The following KLHL13 variants were observed in gnomAD, a reference collection of about 807,000 sequenced individuals.
KLHL13 encodes the protein kelch-like protein 13.
In KLHL13, 10 loss-of-function variants were observed where a neutral mutation model predicts 37.1. The observed-to-expected ratio is 0.27, with a 90% CI of 0.17 to 0.46. KLHL13 has a LOEUF of 0.46. Among genes scored for constraint, KLHL13 ranks in the 20% least tolerant of loss-of-function variants. KLHL13 has a pLI of 1.00. For synonymous variants in KLHL13, 163 were observed against 181.2 expected (o/e 0.90, Z 0.81); for missense variants, 360 against 509.3 (o/e 0.71, Z 2.82).
chrX:118,054,058 T>C (rs1172490154), intron 1 of KLHL13, among the ~76,000 whole-genome samples: 2 of 111,147 alleles, frequency 1.8e-5, no homozygotes, highest in Non-Finnish European at 3.8e-5. Context: ...AATCTATAGA[T>C]AAATTGAGTG....
At chrX:117,956,779 T>C (rs1264773746) in intron 1 of KLHL13, among the ~76,000 whole-genome samples, 1 of 111,583 alleles carries the variant, frequency 9.0e-6, no homozygotes, top group Admixed American at 9.6e-5. Context: ...AAAGTTTCCC[T>C]AGCTAGTCGG....
At chrX:118,057,530 G>A (rs1405376906) in intron 1 of KLHL13, among the ~76,000 whole-genome samples, 2 of 112,324 alleles carry the variant, frequency 1.8e-5, no homozygotes, top group African/African-American at 6.5e-5. Context: ...TATCAAAAAT[G>A]TGAAAAATCG....
At chrX:117,932,806 C>T (rs1932525414) in intron 2 of KLHL13, among the ~76,000 whole-genome samples, 1 of 111,577 alleles carries the variant, frequency 9.0e-6, no homozygotes, top group South Asian at 3.7e-4. Flanking sequence ...TTTATCATTG[C>T]TGTACTAATT....
intron 1 of KLHL13, among the ~76,000 whole-genome samples, chrX:118,026,713 A>G (rs2054278064): frequency 8.9e-6 from 1 of 111,750 alleles, no homozygotes; most frequent in Non-Finnish European, 1.9e-5. Flanking sequence ...TGCCCTAATT[A>G]AAGAGGACCA....
chrX:118,033,939 T>TC (rs1284233194), intron 1 of KLHL13, among the ~76,000 whole-genome samples: 1 of 97,978 alleles, frequency 1.0e-5, no homozygotes, highest in Non-Finnish European at 2.0e-5. Flanking sequence ...GGGGTTGCAA[T>TC]CCTAGTCTCT....
At chrX:117,978,614 G>C (rs1442898554), upstream of KLHL13, among the ~76,000 whole-genome samples, 3 of 110,902 alleles carry the variant, frequency 2.7e-5, no homozygotes, top group African/African-American at 9.8e-5. Context: ...AAAATACAGA[G>C]AGACTGAGCA....
intron 1 of KLHL13, among the ~76,000 whole-genome samples, chrX:118,015,021 A>G (rs2054112306): frequency 8.9e-6 from 1 of 112,211 alleles, no homozygotes. Context: ...ACTTAACCAT[A>G]TTACAAACAT....
At chrX:118,069,138 C>CAT (rs1555998518) in intron 1 of KLHL13, among the ~76,000 whole-genome samples, 1 of 109,556 alleles carries the variant, frequency 9.1e-6, no homozygotes, top group African/African-American at 3.3e-5. Flanking sequence ...CACACACACA[C>CAT]ACACACACAC....
intron 1 of KLHL13, among the ~76,000 whole-genome samples, chrX:117,986,850 G>A (rs996409657): frequency 2.7e-5 from 3 of 111,867 alleles, no homozygotes; most frequent in South Asian, 3.7e-4. Context: ...ACTCAATGTT[G>A]AAGAAATCTT....
chrX:118,080,490 C>T (rs2054979037), intron 1 of KLHL13, among the ~76,000 whole-genome samples: 1 of 110,653 alleles, frequency 9.0e-6, no homozygotes, highest in African/African-American at 3.3e-5. Context: ...GATATACAAG[C>T]AGCCAACAAG....
At chrX:118,008,453 T>C (rs1015209285) in intron 1 of KLHL13, among the ~76,000 whole-genome samples, 4 of 111,349 alleles carry the variant, frequency 3.6e-5, no homozygotes, top group Non-Finnish European at 5.7e-5. Context: ...ACTACTAGTA[T>C]TGGAACTTTA....
At chrX:117,922,639 A>C (rs761232528) in intron 2 of KLHL13, among the ~76,000 whole-genome samples, 16 of 111,709 alleles carry the variant, frequency 1.4e-4, no homozygotes, top group African/African-American at 5.2e-4. Flanking sequence ...CGTTTGTGGT[A>C]GTTTGTGGTA....
At chrX:117,950,313 A>G (rs1933522154) in intron 1 of KLHL13, among the ~76,000 whole-genome samples, 1 of 111,185 alleles carries the variant, frequency 9.0e-6, no homozygotes, top group African/African-American at 3.3e-5. Flanking sequence ...CTAAAAACAC[A>G]AAAATCAGCC....
intron 1 of KLHL13, among the ~76,000 whole-genome samples, chrX:118,017,867 C>A (rs148812440): frequency 9.0e-6 from 1 of 111,247 alleles, no homozygotes. Flanking sequence ...TACTGTGTTT[C>A]ATCTATGAAA....
At chrX:118,075,106 T>C (rs6645441) in intron 1 of KLHL13, among the ~76,000 whole-genome samples, 1,949 of 111,560 alleles carry the variant, frequency 0.017, 46 homozygotes, top group African/African-American at 0.058. Flanking sequence ...AGGTTGATTT[T>C]AGTCTTTGTT....
In KLHL13 at chrX:117,945,586, T is replaced by A; in HGVS notation, c.99-11A>T. The stretch of plus-strand genomic sequence containing the variant: ...TCTTCCACGAGAGATCTGAAAGTTT[T>A]TTTACATAAGAAAGAAGGGGAAATT... On this transcript the variant is annotated splice_polypyrimidine_tract_variant and intron_variant, in intron 1 of 6. Transcript: ENST00000262820. 8.5e-7 allele frequency: 1 copy of A among 1,183,126 alleles called. No homozygotes were observed. The highest frequency in any genetic ancestry group is 1.8e-5 in the South Asian group (1 of 54,289).
chrX:117,995,369 C>T (rs989372708), intron 1 of KLHL13, among the ~76,000 whole-genome samples: 3 of 112,002 alleles, frequency 2.7e-5, no homozygotes, highest in African/African-American at 9.7e-5. Context: ...TACCACACTA[C>T]TGGGTAAGTC....
At chrX:118,069,473 G>A (rs1034880251) in intron 1 of KLHL13, among the ~76,000 whole-genome samples, 133 of 103,456 alleles carry the variant, frequency 1.3e-3, no homozygotes, top group Non-Finnish European at 2.2e-3. Flanking sequence ...CATATATATG[G>A]TAAAAGCCAA....
intron 1 of KLHL13, among the ~76,000 whole-genome samples, chrX:118,008,237 A>G (rs2054009609): frequency 8.9e-6 from 1 of 111,962 alleles, no homozygotes; most frequent in Admixed American, 9.5e-5. Context: ...TGAAAAGGGG[A>G]AAAAATAAAA....
Sources: allele counts gnomAD v4.1 joint callset (sites outside exome capture counted in the v4.1 genomes callset), GRCh38; gene constraint gnomAD v4.1.1; transcripts MANE v1.5; gene names NCBI Gene and HGNC (gene_info 2026-07-23, HGNC 2026-07-21).